CTNNA3: variants seen among roughly 807,000 people sequenced by gnomAD.
CTNNA3 encodes catenin alpha 3, also known as catenin alpha-3.
A neutral mutation model predicts 95.7 loss-of-function variants in CTNNA3; 76 were observed. The ratio of observed to expected loss-of-function variants is 0.79; its 90% confidence interval spans 0.66 to 0.96. CTNNA3 has a LOEUF of 0.96. CTNNA3 is among the 40% of genes least tolerant of loss of function. The pLI is 0.00. For missense variants in CTNNA3, 1,191 were observed against 1,089.8 expected (o/e 1.09, Z -1.31); for synonymous variants, 431 against 374.4 (o/e 1.15, Z -1.74).
intron 9 of CTNNA3, among the ~76,000 whole-genome samples, chr10:66,632,291 C>G (rs886396375): frequency 4.0e-5 from 6 of 151,890 alleles, no homozygotes; most frequent in Non-Finnish European, 8.8e-5. Context: ...CGGTGGCTCA[C>G]GTCTGTAATC....
At chr10:66,094,815 ATTC>A (rs2081332947) in intron 14 of CTNNA3, among the ~76,000 whole-genome samples, 1 of 152,106 alleles carries the variant, frequency 6.6e-6, no homozygotes, top group Admixed American at 6.6e-5. Flanking sequence ...CTTTGGTGCA[ATTC>A]TTCTTTGACA....
chr10:67,436,098 A>G (rs1024658067), intron 5 of CTNNA3, among the ~76,000 whole-genome samples: 1 of 152,176 alleles, frequency 6.6e-6, no homozygotes, highest in African/African-American at 2.4e-5. Flanking sequence ...AGTCACCAAA[A>G]CAGCATGGTA....
At chr10:67,530,940 T>A (rs1442837108) in intron 4 of CTNNA3, among the ~76,000 whole-genome samples, 2 of 152,240 alleles carry the variant, frequency 1.3e-5, no homozygotes, top group Non-Finnish European at 2.9e-5. Context: ...GCTTGGGCTG[T>A]GGCTTCAGAA....
rs555843475 is a variant in CTNNA3, at chr10:66,687,028, T to C, written c.1282-65244A>G. On this transcript the variant is annotated intron_variant, in intron 9 of 17. Transcript: ENST00000433211. ...TCAAAGAACTTGATGATATCTTTGA[T>C]ACAAATGACATACTTTATACTTAAT... 1.9e-3 allele frequency among the ~76,000 whole-genome samples: 287 copies of C among 152,232 alleles called. 2 individuals are homozygous for C. Among genetic ancestry groups the C allele is most frequent in the African/African-American group, 6.6e-3 (276 of 41,546 alleles).
intron 1 of CTNNA3, among the ~76,000 whole-genome samples, chr10:67,673,596 T>C (rs1840481982): frequency 1.4e-5 from 2 of 147,222 alleles, no homozygotes; most frequent in Non-Finnish European, 3.0e-5. Flanking sequence ...GTCAAAGGCC[T>C]TTTCTGCATC....
intron 5 of CTNNA3, among the ~76,000 whole-genome samples, chr10:67,414,091 A>C (rs1261955921): frequency 6.6e-6 from 1 of 152,132 alleles, no homozygotes; most frequent in African/African-American, 2.4e-5. Flanking sequence ...AAATTAAAGA[A>C]GATCTTAATG....
intron 5 of CTNNA3, among the ~76,000 whole-genome samples, chr10:67,255,309 TAAA>T (rs1202179188): frequency 4.0e-5 from 6 of 151,694 alleles, no homozygotes; most frequent in Admixed American, 2.0e-4. Flanking sequence ...AATAAATAAA[TAAA>T]TAAATAAATT....
intron 12 of CTNNA3, among the ~76,000 whole-genome samples, chr10:66,357,036 G>A (rs772861204): frequency 3.9e-5 from 6 of 151,960 alleles, no homozygotes; most frequent in African/African-American, 7.2e-5. Flanking sequence ...TTGCATCTAC[G>A]TTCATGAGAG....
rs893498713 is a variant in CTNNA3, at chr10:66,348,366, A to T, written c.1732+30786T>A. Among the ~76,000 whole-genome samples, 16 of 152,294 alleles carry T rather than the reference A, an allele frequency of 1.1e-4. No homozygotes were observed. The South Asian group carries it at 3.3e-3, about 32-fold the overall frequency. ...ATTAGCTTAAATATAATCAATTCAC[A>T]TAATCCCACTGAGACTCCATTTCCT... On this transcript the variant is annotated intron_variant, in intron 12 of 17. Transcript: ENST00000433211.
At chr10:67,062,687 C>T (rs990322370) in intron 7 of CTNNA3, among the ~76,000 whole-genome samples, 2 of 152,108 alleles carry the variant, frequency 1.3e-5, no homozygotes, top group African/African-American at 4.8e-5. Flanking sequence ...CATCTCTGCC[C>T]CCTTATACAC....
intron 7 of CTNNA3, among the ~76,000 whole-genome samples, chr10:66,993,491 G>C (rs1222891692): frequency 6.6e-6 from 1 of 152,044 alleles, no homozygotes; most frequent in Non-Finnish European, 1.5e-5. Context: ...ATTCTGGCAG[G>C]ACAAGCCTTA....
At chr10:67,673,931 T>C (rs1274912594) in intron 1 of CTNNA3, among the ~76,000 whole-genome samples, 2 of 151,522 alleles carry the variant, frequency 1.3e-5, no homozygotes, top group African/African-American at 2.4e-5. Flanking sequence ...TTTATAAATA[T>C]ATTTTGTGTC....
chr10:67,643,166 T>A (rs1839595024), intron 2 of CTNNA3, among the ~76,000 whole-genome samples: 1 of 152,176 alleles, frequency 6.6e-6, no homozygotes, highest in Non-Finnish European at 1.5e-5. Flanking sequence ...TTCACGTCCT[T>A]TGTAGGGACA....
Position 66,345,977 on chromosome 10 carries a change from C to T in CTNNA3, c.1732+33175G>A, listed in dbSNP as rs1482779395. Among the ~76,000 whole-genome samples, 9 of 147,092 alleles carry T rather than the reference C, an allele frequency of 6.1e-5. No individual in the cohort carries two copies. In the East Asian group the frequency reaches 1.4e-3, roughly 23 times the overall value. On this transcript the variant is annotated intron_variant, in intron 12 of 17. Coordinates refer to ENST00000433211, the MANE Select transcript of CTNNA3 (RefSeq NM_013266.4). ...CTATAGTCCCAGCTACTGGGGAGGC[C>T]GAGACAGGAGAATTGCTTGAATCTG... is the stretch of plus-strand genomic sequence containing the variant.
At chr10:66,583,956 A>G (rs1236270366) in intron 10 of CTNNA3, among the ~76,000 whole-genome samples, 1 of 151,838 alleles carries the variant, frequency 6.6e-6, no homozygotes, top group Admixed American at 6.6e-5. Context: ...ATTCAGGAGT[A>G]GATTGTTTAA....
intron 2 of CTNNA3, among the ~76,000 whole-genome samples, chr10:67,631,171 G>T (rs907604202): frequency 6.6e-6 from 1 of 152,088 alleles, no homozygotes; most frequent in African/African-American, 2.4e-5. Flanking sequence ...TGATCCATTG[G>T]AAGAATTTAT....
At chr10:66,408,146 A>G (rs949779878) in intron 11 of CTNNA3, among the ~76,000 whole-genome samples, 4 of 152,206 alleles carry the variant, frequency 2.6e-5, no homozygotes, top group African/African-American at 4.8e-5. Flanking sequence ...CAGATTCGAC[A>G]TAGTACTCAA....
intron 13 of CTNNA3, among the ~76,000 whole-genome samples, chr10:66,196,546 C>T (rs1402829595): frequency 2.0e-5 from 3 of 152,168 alleles, no homozygotes; most frequent in South Asian, 4.1e-4. Flanking sequence ...ATGTCTTCTT[C>T]CCTCCCTTAC....
chr10:67,221,891 C>A (rs1864677137), intron 5 of CTNNA3, among the ~76,000 whole-genome samples: 3 of 152,124 alleles, frequency 2.0e-5, no homozygotes, highest in Admixed American at 1.3e-4. Context: ...TGTATAATAT[C>A]ATGTAGCTTA....
Sources: gnomAD v4.1 joint callset for allele counts (sites outside exome capture counted in the v4.1 genomes callset) on GRCh38, gnomAD v4.1.1 for gene constraint, MANE v1.5 for transcripts, NCBI Gene and HGNC (gene_info 2026-07-23, HGNC 2026-07-21) for gene names.